The following KIAA0825 variants were observed in gnomAD, a reference collection of about 807,000 sequenced individuals.
KIAA0825 encodes KIAA0825, also known as uncharacterized protein KIAA0825.
KIAA0825 carries 119 observed loss-of-function variants against 147.6 expected under a neutral mutation model. The ratio of observed to expected loss-of-function variants is 0.81; its 90% CI spans 0.69 to 0.94. The LOEUF (loss-of-function observed/expected upper bound fraction) is 0.94. KIAA0825 is among the 40% of genes least tolerant of loss of function. The probability of loss-of-function intolerance (pLI) is 0.00; values close to 1 mark genes in which losing one functional copy is unlikely to be tolerated. For missense variants in KIAA0825, 1,381 were observed against 1,472.7 expected (o/e 0.94, Z 1.02); for synonymous variants, 470 against 518.1 (o/e 0.91, Z 1.26).
chr5:94,542,058 T>A (rs991804443), intron 2 of KIAA0825, among the ~76,000 whole-genome samples: 18 of 152,238 alleles, frequency 1.2e-4, no homozygotes, highest in Admixed American at 5.2e-4. Flanking sequence ...TGTTTTGTCA[T>A]CCACAGACAA....
At chr5:94,359,263 A>T (rs975613031) in intron 20 of KIAA0825, among the ~76,000 whole-genome samples, 2 of 152,216 alleles carry the variant, frequency 1.3e-5, no homozygotes, top group Admixed American at 1.3e-4. Context: ...TGGGCATTTT[A>T]AAAAATCTCT....
intron 20 of KIAA0825, among the ~76,000 whole-genome samples, chr5:94,285,069 A>G (rs1245762440): frequency 6.6e-6 from 1 of 152,150 alleles, no homozygotes; most frequent in African/African-American, 2.4e-5. Context: ...AAACAATTAT[A>G]GACATTATAT....
chr5:94,351,591 C>A lies in KIAA0825; in HGVS notation c.3710+32777G>T, dbSNP rs532345710. On this transcript the variant is annotated intron_variant, in intron 20 of 20. Transcript: ENST00000682413. ...CTTCACAGAATTAGAAAAAACAATT[C>A]TAAAATTCATATGGAACCCTAAAAG... Among the ~76,000 whole-genome samples, 6 of 152,160 alleles carry A rather than the reference C, an allele frequency of 3.9e-5. No individual in the cohort carries two copies. The South Asian group carries it at 1.2e-3, about 32-fold the overall frequency.
intron 20 of KIAA0825, among the ~76,000 whole-genome samples, chr5:94,380,266 A>G (rs557466059): frequency 5.3e-5 from 8 of 152,358 alleles, no homozygotes; most frequent in African/African-American, 1.9e-4. Flanking sequence ...GCATATAGAT[A>G]CTTTTTTACT....
intron 20 of KIAA0825, among the ~76,000 whole-genome samples, chr5:94,201,799 T>C (rs2150025008): frequency 1.3e-5 from 2 of 152,214 alleles, no homozygotes; most frequent in Middle Eastern, 3.4e-3. Flanking sequence ...GGTCTTGCAG[T>C]GAAGGACAGA....
intron 20 of KIAA0825, among the ~76,000 whole-genome samples, chr5:94,298,530 G>A (rs1333041850): frequency 2.0e-5 from 3 of 152,060 alleles, no homozygotes; most frequent in African/African-American, 4.8e-5. Flanking sequence ...TCTTCATTTC[G>A]GGATGGAAAA....
intron 5 of KIAA0825, among the ~76,000 whole-genome samples, chr5:94,511,556 G>A (rs1766478752): frequency 1.3e-5 from 2 of 152,156 alleles, no homozygotes; most frequent in African/African-American, 2.4e-5. Flanking sequence ...GGAGGCAGAG[G>A]TTGCGGTGAG....
intron 2 of KIAA0825, among the ~76,000 whole-genome samples, chr5:94,574,592 TC>T (rs1780654548): frequency 6.7e-6 from 1 of 148,622 alleles, no homozygotes; most frequent in Admixed American, 6.7e-5. Flanking sequence ...ACATAAGAAG[TC>T]CCAGACATTA....
intron 1 of KIAA0825, chr5:94,594,696 A>T (rs1784954255): frequency 1.6e-6 from 1 of 634,338 alleles, no homozygotes; most frequent in African/African-American, 1.9e-5. Context: ...TATAATTCAG[A>T]TTCCTTGGTT....
intron 20 of KIAA0825, among the ~76,000 whole-genome samples, chr5:94,366,907 G>A (rs1034773745): frequency 1.1e-4 from 17 of 152,182 alleles, no homozygotes; most frequent in African/African-American, 3.1e-4. Context: ...TGGCTGGAAC[G>A]GGACCTCACA....
intron 13 of KIAA0825, among the ~76,000 whole-genome samples, chr5:94,441,597 T>A (rs1757090955): frequency 1.3e-5 from 2 of 152,144 alleles, no homozygotes; most frequent in Admixed American, 1.3e-4. Flanking sequence ...ATAGTCCTTC[T>A]AAGAAGAGGC....
chr5:94,216,463 CT>C (rs1773209844), intron 20 of KIAA0825, among the ~76,000 whole-genome samples: 2 of 152,024 alleles, frequency 1.3e-5, no homozygotes, highest in African/African-American at 4.8e-5. Flanking sequence ...TGCCATTGGG[CT>C]TTTTTACCTG....
chr5:94,361,189 C>T (rs1745007719), intron 20 of KIAA0825, among the ~76,000 whole-genome samples: 1 of 152,002 alleles, frequency 6.6e-6, no homozygotes, highest in African/African-American at 2.4e-5. Flanking sequence ...GTGCTAAAAC[C>T]TTTTCATTTT....
Position 94,352,280 on chromosome 5 carries a change from A to G in KIAA0825, c.3710+32088T>C, listed in dbSNP as rs185160626. 2.0e-3 allele frequency among the ~76,000 whole-genome samples: 307 copies of G among 152,342 alleles called. 2 individuals are homozygous for G. The highest frequency in any genetic ancestry group is 7.2e-3 in the African/African-American group (300 of 41,574). ...TAAGGACATAAACAGACAATCCTCA[A>G]AAGAAGATCTACAAATGGCCAACAA... On this transcript the variant is annotated intron_variant, in intron 20 of 20. Transcript: ENST00000682413.
chr5:94,579,538 C>T (rs944134079), intron 2 of KIAA0825, among the ~76,000 whole-genome samples: 4 of 152,188 alleles, frequency 2.6e-5, no homozygotes, highest in African/African-American at 9.7e-5. Context: ...ACAAGAACAT[C>T]ACCGTACAAT....
chr5:94,594,062 T>G, intron 1 of KIAA0825: 1 of 527,954 alleles, frequency 1.9e-6, no homozygotes, highest in South Asian at 1.4e-5. Flanking sequence ...CATCTTAATT[T>G]CTACTTAGGT....
At chr5:94,570,388 C>A (rs1283798367) in intron 2 of KIAA0825, 1 of 154,062 alleles carries the variant, frequency 6.5e-6, no homozygotes, top group South Asian at 2.0e-4. Context: ...TTCTCCGATC[C>A]ATTCCCAATA....
intron 20 of KIAA0825, among the ~76,000 whole-genome samples, chr5:94,258,827 A>G (rs767429123): frequency 6.6e-6 from 1 of 152,038 alleles, no homozygotes; most frequent in Non-Finnish European, 1.5e-5. Context: ...AGATTGTTCT[A>G]TATGCTGTAA....
At chr5:94,488,255 C>A (rs1359461381) in intron 5 of KIAA0825, among the ~76,000 whole-genome samples, 10 of 152,234 alleles carry the variant, frequency 6.6e-5, no homozygotes, top group Admixed American at 4.6e-4. Flanking sequence ...GACAACCTGG[C>A]CTTTATTTAT....
Sources: allele counts gnomAD v4.1 joint callset (sites outside exome capture counted in the v4.1 genomes callset), GRCh38; gene constraint gnomAD v4.1.1; transcripts MANE v1.5; gene names NCBI Gene and HGNC (gene_info 2026-07-23, HGNC 2026-07-21).